MSRA: variants seen among roughly 807,000 people sequenced by gnomAD.
MSRA encodes the protein mitochondrial peptide methionine sulfoxide reductase.
A neutral mutation model predicts 31.3 loss-of-function variants in MSRA; 54 were observed. The ratio of observed to expected loss-of-function variants is 1.73; its 90% CI spans 1.39 to 2.17. The LOEUF is 2.17. MSRA is among the 30% of genes most tolerant of loss of function. The probability of loss-of-function intolerance (pLI) is 0.00; values close to 1 mark genes in which losing one functional copy is unlikely to be tolerated. For missense variants in MSRA, 507 were observed against 300.9 expected, an observed-to-expected ratio of 1.69 and a Z score of -5.07; for synonymous variants, 169 against 116.5, an observed-to-expected ratio of 1.45 and a Z score of -2.90.
intron 5 of MSRA, chr8:10,353,496 C>T (rs1804320282): frequency 3.0e-6 from 1 of 338,022 alleles, no homozygotes; most frequent in East Asian, 8.8e-5. Context: ...GGCCCGGAGG[C>T]CCGTGTATCT....
intron 2 of MSRA, among the ~76,000 whole-genome samples, chr8:10,223,803 G>C (rs1810738424): frequency 6.6e-6 from 1 of 152,160 alleles, no homozygotes; most frequent in Non-Finnish European, 1.5e-5. Flanking sequence ...TGGTACAAAA[G>C]ATTTTGGGTG....
intron 3 of MSRA, among the ~76,000 whole-genome samples, chr8:10,249,307 G>C (rs1010179439): frequency 6.6e-6 from 1 of 152,082 alleles, no homozygotes; most frequent in South Asian, 2.1e-4. Context: ...TCAGTCTATT[G>C]TGAGTTTAGT....
intron 1 of MSRA, among the ~76,000 whole-genome samples, chr8:10,148,705 G>C (rs979254384): frequency 6.8e-6 from 1 of 148,030 alleles, no homozygotes; most frequent in East Asian, 2.2e-4. Context: ...GGGAGGCCGA[G>C]GCAGGAGGAT....
chr8:10,373,778 G>A (rs758766350), intron 5 of MSRA, among the ~76,000 whole-genome samples: 6 of 152,238 alleles, frequency 3.9e-5, no homozygotes, highest in East Asian at 1.9e-4. Flanking sequence ...GATGATGACC[G>A]CACTTTGGAG....
chr8:10,203,022 A>C (rs1036185150), intron 1 of MSRA, among the ~76,000 whole-genome samples: 2 of 151,974 alleles, frequency 1.3e-5, no homozygotes, highest in Middle Eastern at 3.2e-3. Context: ...CCTGCGGTCC[A>C]CAGGACTGAT....
chr8:10,110,690 G>A (rs1456451269), intron 1 of MSRA, among the ~76,000 whole-genome samples: 3 of 152,116 alleles, frequency 2.0e-5, no homozygotes, highest in Admixed American at 6.5e-5. Context: ...AGTAGTGATC[G>A]CGCTTTCTCC....
At chr8:10,171,955 G>A (rs886996076) in intron 1 of MSRA, among the ~76,000 whole-genome samples, 1 of 152,240 alleles carries the variant, frequency 6.6e-6, no homozygotes, top group African/African-American at 2.4e-5. Flanking sequence ...AGTATCTGAA[G>A]TAGGTAATGG....
chr8:10,182,933 A>G (rs79214542), intron 1 of MSRA, among the ~76,000 whole-genome samples: 3,356 of 152,238 alleles, frequency 0.022, 49 homozygotes, highest in Middle Eastern at 0.041. Flanking sequence ...GAAATCCTGT[A>G]TTTTCTGTTT....
chr8:10,208,339 C>T (rs1053787110), intron 2 of MSRA, among the ~76,000 whole-genome samples: 4 of 152,222 alleles, frequency 2.6e-5, no homozygotes, highest in East Asian at 1.9e-4. Context: ...ATTAAGCACG[C>T]TCCTTAAGAG....
At chr8:10,392,890 C>CAA (rs869085304) in intron 5 of MSRA, among the ~76,000 whole-genome samples, 25,332 of 112,630 alleles carry the variant, frequency 0.22, 3,773 homozygotes, top group African/African-American at 0.34. Context: ...ACTAAAAATG[C>CAA]AAAAAAAAAA....
intron 2 of MSRA, among the ~76,000 whole-genome samples, chr8:10,212,857 A>T (rs1179993043): frequency 6.6e-6 from 1 of 152,200 alleles, no homozygotes; most frequent in Non-Finnish European, 1.5e-5. Flanking sequence ...CATTCTGCTA[A>T]GTCAAAATTC....
Position 10,254,972 on chromosome 8 carries a change from T to C in MSRA, c.331+9749T>C, listed in dbSNP as rs541580438. Among the ~76,000 whole-genome samples the C allele has an allele frequency of 9.8e-5, 15 of 152,354 alleles. 1 individual carries two copies. The highest frequency in any genetic ancestry group is 3.6e-4 in the African/African-American group (15 of 41,576). On this transcript the variant is annotated intron_variant, in intron 3 of 5. Coordinates refer to ENST00000317173, the MANE Select transcript of MSRA (RefSeq NM_012331.5). ...CAGGTCATCTGTTCCGGTGATTTGT[T>C]TGAAACTTTTATTAGGCATTACAAT...
chr8:10,126,232 G>T (rs561335218), intron 1 of MSRA, among the ~76,000 whole-genome samples: 1 of 152,224 alleles, frequency 6.6e-6, no homozygotes, highest in African/African-American at 2.4e-5. Flanking sequence ...GAAAGAAGAT[G>T]ATGGGCAAAA....
chr8:10,151,475 C>T (rs891124188), intron 1 of MSRA, among the ~76,000 whole-genome samples: 1 of 151,686 alleles, frequency 6.6e-6, no homozygotes, highest in Non-Finnish European at 1.5e-5. Context: ...AACCCCGTCT[C>T]TACTAAAAAT....
At chr8:10,284,011 A>T (rs551741905) in intron 3 of MSRA, among the ~76,000 whole-genome samples, 5 of 151,766 alleles carry the variant, frequency 3.3e-5, no homozygotes, top group African/African-American at 1.2e-4. Context: ...CTCTTGGTAG[A>T]TAGCCAGTAG....
intron 2 of MSRA, among the ~76,000 whole-genome samples, chr8:10,213,576 A>G (rs758626874): frequency 6.6e-6 from 1 of 151,496 alleles, no homozygotes; most frequent in Non-Finnish European, 1.5e-5. Flanking sequence ...AGCTGGGATG[A>G]CAGGTGCGTG....
intron 2 of MSRA, 80 bp downstream of exon 2, chr8:10,207,981 C>A: frequency 2.6e-6 from 3 of 1,142,104 alleles, no homozygotes; most frequent in South Asian, 1.5e-5. Context: ...CAAGTGTTCT[C>A]AGGGCTTCAA....
intron 1 of MSRA, among the ~76,000 whole-genome samples, chr8:10,082,833 C>T (rs997863797): frequency 2.0e-5 from 3 of 152,152 alleles, no homozygotes; most frequent in African/African-American, 7.2e-5. Context: ...TCACCTTATC[C>T]CTGGAGCACC....
At chr8:10,385,176 G>C (rs1017670154) in intron 5 of MSRA, among the ~76,000 whole-genome samples, 6 of 152,114 alleles carry the variant, frequency 3.9e-5, no homozygotes, top group African/African-American at 1.4e-4. Flanking sequence ...AGGAGTAAGG[G>C]GGATTGTGGC....
Sources: gnomAD v4.1 joint callset for allele counts (sites outside exome capture counted in the v4.1 genomes callset) on GRCh38, gnomAD v4.1.1 for gene constraint, MANE v1.5 for transcripts, NCBI Gene and HGNC (gene_info 2026-07-23, HGNC 2026-07-21) for gene names.